The following CDH4 variants were observed in gnomAD, a reference collection of about 807,000 sequenced individuals.
CDH4 encodes cadherin-4.
CDH4 carries 33 observed loss-of-function variants against 86.0 expected under a neutral mutation model. That is an observed-to-expected ratio of 0.38 (90% CI 0.29 to 0.51). The LOEUF (loss-of-function observed/expected upper bound fraction) is 0.51, where lower values mean the gene tolerates loss of function less well. CDH4 is among the 20% of genes least tolerant of loss of function. The pLI is 0.86. For missense variants in CDH4, 1,114 were observed against 1,307.4 expected (o/e 0.85, Z 2.28); for synonymous variants, 555 against 549.4 (o/e 1.01, Z -0.14).
chr20:61,556,968 T>G (rs2086182725), intron 2 of CDH4, among the ~76,000 whole-genome samples: 1 of 152,064 alleles, frequency 6.6e-6, no homozygotes, highest in Non-Finnish European at 1.5e-5. Flanking sequence ...GGAGATGGAT[T>G]TTCAATTTAA....
At chr20:61,614,575 G>T (rs2086710892) in intron 2 of CDH4, among the ~76,000 whole-genome samples, 3 of 152,108 alleles carry the variant, frequency 2.0e-5, no homozygotes, top group Admixed American at 2.0e-4. Context: ...CCTTATCTGT[G>T]GAGTCTGCGC....
intron 2 of CDH4, among the ~76,000 whole-genome samples, chr20:61,362,099 T>C (rs1268057326): frequency 6.6e-6 from 1 of 152,268 alleles, no homozygotes; most frequent in East Asian, 1.9e-4. Context: ...GTGAAGACCT[T>C]TGTGAATAGG....
chr20:61,588,265 G>T (rs1021573895), intron 2 of CDH4, among the ~76,000 whole-genome samples: 1 of 152,314 alleles, frequency 6.6e-6, no homozygotes, highest in Non-Finnish European at 1.5e-5. Flanking sequence ...TTCCAAGATG[G>T]TTAAACCAAG....
At position 61,806,082 on chromosome 20, in the gene CDH4, A is replaced by G. The variant is rs1280404527; in HGVS notation, c.576+32900A>G. ...CTGAAAGCATTGTGGTTCGGGGCAC[A>G]TTTAGAATGGCTGCAGGATGTCATT... On this transcript the variant is annotated intron_variant, in intron 4 of 15. Coordinates refer to ENST00000614565, the MANE Select transcript of CDH4 (RefSeq NM_001794.5). Among the ~76,000 whole-genome samples the G allele has an allele frequency of 2.0e-5, 3 of 152,238 alleles. No individual in the cohort carries two copies. In the East Asian group the frequency reaches 5.8e-4, roughly 29 times the overall value.
intron 4 of CDH4, among the ~76,000 whole-genome samples, chr20:61,842,711 AC>A (rs1982234022): frequency 1.4e-5 from 2 of 146,758 alleles, no homozygotes; most frequent in South Asian, 4.3e-4. Flanking sequence ...GGAATCTGTT[AC>A]CCCTATTTTT....
At chr20:61,752,031 T>G (rs1435984418) in intron 3 of CDH4, among the ~76,000 whole-genome samples, 1 of 152,196 alleles carries the variant, frequency 6.6e-6, no homozygotes, top group Non-Finnish European at 1.5e-5. Flanking sequence ...CACTGGACTT[T>G]ATTAAAAATA....
intron 4 of CDH4, among the ~76,000 whole-genome samples, chr20:61,789,329 C>G (rs1979041714): frequency 6.6e-6 from 1 of 152,160 alleles, no homozygotes; most frequent in Non-Finnish European, 1.5e-5. Flanking sequence ...TTCATTTTCC[C>G]AAAATGTAGG....
chr20:61,617,959 G>A (rs979457495), intron 2 of CDH4, among the ~76,000 whole-genome samples: 3 of 152,172 alleles, frequency 2.0e-5, no homozygotes, highest in African/African-American at 7.2e-5. Flanking sequence ...TGATGGTTTT[G>A]GAAGGGGTTT....
intron 7 of CDH4, among the ~76,000 whole-genome samples, chr20:61,877,640 G>A (rs1312642979): frequency 1.3e-5 from 2 of 152,082 alleles, no homozygotes; most frequent in East Asian, 1.9e-4. Flanking sequence ...CCTCTTCCAG[G>A]GCTCGTCGGG....
chr20:61,540,655 C>A lies in CDH4; in HGVS notation c.170-202908C>A, dbSNP rs766923842. On this transcript the variant is annotated intron_variant, in intron 2 of 15. Coordinates refer to ENST00000614565, the MANE Select transcript of CDH4 (RefSeq NM_001794.5). The stretch of plus-strand genomic sequence containing the variant: ...ATAAAGCCACATGAAGGAGTGGTGA[C>A]GATTCAAAATAATGTCACTTTCAAC... Among the ~76,000 whole-genome samples, 5 of 152,206 alleles carry A rather than the reference C, an allele frequency of 3.3e-5. No individual in the cohort carries two copies. In the East Asian group the frequency reaches 9.7e-4, roughly 29 times the overall value.
chr20:61,370,637 G>A (rs1217348335), intron 2 of CDH4: 4 of 152,218 alleles, frequency 2.6e-5, no homozygotes, highest in Non-Finnish European at 2.9e-5. Context: ...TCATTCCAGT[G>A]AGCATTTAAA....
chr20:61,635,694 A>AGT (rs2086939588), intron 2 of CDH4, among the ~76,000 whole-genome samples: 2 of 152,086 alleles, frequency 1.3e-5, no homozygotes, highest in Non-Finnish European at 2.9e-5. Flanking sequence ...TGGGGGTTGG[A>AGT]GTAGGAGGAG....
At chr20:61,654,180 C>T (rs964828459) in intron 2 of CDH4, among the ~76,000 whole-genome samples, 11 of 152,152 alleles carry the variant, frequency 7.2e-5, no homozygotes, top group African/African-American at 2.7e-4. Flanking sequence ...CCCAGCACCT[C>T]GGGAGGCCAA....
At chr20:61,277,958 A>G (rs370862611) in intron 2 of CDH4, among the ~76,000 whole-genome samples, 2 of 152,342 alleles carry the variant, frequency 1.3e-5, no homozygotes, top group South Asian at 2.1e-4. Flanking sequence ...GGGCCCTCAC[A>G]TCTCAGCCCC....
intron 2 of CDH4, among the ~76,000 whole-genome samples, chr20:61,474,106 T>C (rs185705096): frequency 7.2e-5 from 11 of 152,138 alleles, no homozygotes; most frequent in East Asian, 3.9e-4. Context: ...CTCTGGATTT[T>C]AGAAAACATC....
At chr20:61,483,019 T>A (rs2085576583) in intron 2 of CDH4, among the ~76,000 whole-genome samples, 1 of 152,214 alleles carries the variant, frequency 6.6e-6, no homozygotes, top group Non-Finnish European at 1.5e-5. Context: ...CTGCTGCTCT[T>A]AACTACCAGG....
chr20:61,297,361 C>G (rs2084361296), intron 2 of CDH4, among the ~76,000 whole-genome samples: 1 of 152,160 alleles, frequency 6.6e-6, no homozygotes, highest in African/African-American at 2.4e-5. Context: ...TGTACTCCAG[C>G]CTGGACGACA....
intron 2 of CDH4, among the ~76,000 whole-genome samples, chr20:61,541,474 G>A (rs998719756): frequency 6.6e-6 from 1 of 152,184 alleles, no homozygotes. Context: ...ATTGAATAGA[G>A]CTCTGAAAAG....
intron 2 of CDH4, among the ~76,000 whole-genome samples, chr20:61,375,124 T>C (rs975411820): frequency 6.6e-6 from 1 of 152,200 alleles, no homozygotes; most frequent in African/African-American, 2.4e-5. Flanking sequence ...ACCACATGTT[T>C]GGGCACATGT....
Sources: gnomAD v4.1 joint callset for allele counts (sites outside exome capture counted in the v4.1 genomes callset) on GRCh38, gnomAD v4.1.1 for gene constraint, MANE v1.5 for transcripts, NCBI Gene and HGNC (gene_info 2026-07-23, HGNC 2026-07-21) for gene names.